The following DNAH12 variants were observed in gnomAD, a reference collection of about 807,000 sequenced individuals.
The protein encoded by DNAH12 is axonemal beta dynein heavy chain 12.
Under a neutral mutation model 371.5 loss-of-function variants are expected in DNAH12, and 285 were observed. That is an observed-to-expected ratio of 0.77 (90% CI 0.70 to 0.85). The LOEUF (loss-of-function observed/expected upper bound fraction) is 0.85, where lower values mean the gene tolerates loss of function less well. DNAH12 is among the 40% of genes least tolerant of loss of function. DNAH12 has a pLI of 0.00. For synonymous variants in DNAH12, 1,200 were observed against 1,213.0 expected (o/e 0.99, Z 0.22); for missense variants, 3,611 against 3,689.4 (o/e 0.98, Z 0.55).
chr3:57,461,541 G>A lies in DNAH12; in HGVS notation c.2684C>T (p.Thr895Ile), dbSNP rs1375435668. The A allele has an allele frequency of 4.5e-6, 7 of 1,551,354 alleles. No individual in the cohort carries two copies. The East Asian group carries it at 7.3e-5, about 16-fold the overall frequency. The change falls in exon 19 of 74, where the codon ACT becomes ATT. Residue 895 changes from threonine (T) to isoleucine (I), a missense_variant. Thr to Ile is a moderately conservative substitution (Grantham distance 89). Transcript: ENST00000495027. ...GAAAGGTGAGCCTCTCATTGTCTGA[G>A]TTTTTATAATTTGATCATCAAGGAT... ...QAILDDQIIK[T>I]QTMRGSPFIK...
Position 57,459,751 on chromosome 3 carries a change from T to A in DNAH12, c.2772A>T (p.Thr924=). 1 of 1,527,490 alleles carries A rather than the reference T, an allele frequency of 6.5e-7. No homozygotes were observed. The highest frequency in any genetic ancestry group is 1.7e-4 in the Middle Eastern group (1 of 5,906). 94.6% of individuals were successfully genotyped at this position (1,527,490 alleles called of 1,614,324 possible). The change falls in exon 20 of 74, where the codon ACA becomes ACT. Residue 924 remains threonine (T), a synonymous_variant. Coordinates refer to ENST00000495027, the MANE Select transcript of DNAH12 (RefSeq NM_001366028.2). The stretch of plus-strand genomic sequence containing the variant: ...CTTGTACTTTTAACCATTCATCAAT[T>A]GTTTCTTGTATTCGAATCAAGCGGT... The part of the protein sequence containing the change: ...WEDRLIRIQE[T]IDEWLKVQAQ...
intron 8 of DNAH12, among the ~76,000 whole-genome samples, 183 bp from the exon 9 acceptor site, chr3:57,504,387 GCACA>G (rs57399659): frequency 1.3e-5 from 2 of 149,746 alleles, no homozygotes; most frequent in Non-Finnish European, 1.5e-5. Context: ...ATACATACAT[GCACA>G]CACACACACA....
At position 57,293,972 on chromosome 3, in the gene DNAH12, C is replaced by G; in HGVS notation, c.11693-1G>C. On this transcript the variant is annotated splice_acceptor_variant, in intron 73 of 73. Transcript: ENST00000495027. LOFTEE classifies it high-confidence loss of function. Reference sequence around the variant, plus strand: ...GACTTTATAATCCGAGATTTTTGAGCTTGAAAAAAAAAAAGAAATATATTC... The same window carrying G: ...GACTTTATAATCCGAGATTTTTGAGGTTGAAAAAAAAAAAGAAATATATTC... The G allele has an allele frequency of 1.5e-6, 2 of 1,361,658 alleles. No individual in the cohort carries two copies. The highest frequency in any genetic ancestry group is 9.5e-7 in the Non-Finnish European group (1 of 1,048,652). The allele number at this position is 1,361,658 out of a possible 1,614,324, so 84.3% of individuals were successfully genotyped here. A position where few individuals can be genotyped will look rare whatever the true frequency, so the allele number is the denominator to read the frequency against.
In DNAH12 at chr3:57,478,866, G is replaced by A. The variant is rs542900691; in HGVS notation, c.1650+4510C>T. 1.2e-4 allele frequency among the ~76,000 whole-genome samples: 18 copies of A among 152,198 alleles called. No individual in the cohort carries two copies. The South Asian group carries it at 2.3e-3, about 19-fold the overall frequency. On this transcript the variant is annotated intron_variant, in intron 13 of 73. Coordinates refer to ENST00000495027, the MANE Select transcript of DNAH12 (RefSeq NM_001366028.2). ...GAGAAATAAAATACTTTACAGACAAGCAAATGCTGAGAGATTTTGTCACCA... is the reference window on the plus strand; with the variant it reads ...GAGAAATAAAATACTTTACAGACAAACAAATGCTGAGAGATTTTGTCACCA...
At chr3:57,354,351 A>G (rs2062747640) in intron 59 of DNAH12, among the ~76,000 whole-genome samples, 1 of 152,140 alleles carries the variant, frequency 6.6e-6, no homozygotes, top group Non-Finnish European at 1.5e-5. Flanking sequence ...TCAAAGGTGG[A>G]GAGTAGGAGG....
At chr3:57,346,108 C>G (rs2062535782) in intron 60 of DNAH12, among the ~76,000 whole-genome samples, 1 of 152,112 alleles carries the variant, frequency 6.6e-6, no homozygotes, top group African/African-American at 2.4e-5. Flanking sequence ...GCTCATTACC[C>G]TGATCTGATC....
chr3:57,427,456 G>T (rs1367227181), intron 34 of DNAH12, among the ~76,000 whole-genome samples: 1 of 152,108 alleles, frequency 6.6e-6, no homozygotes. Context: ...GGAGGCCAAG[G>T]TGGGTGGATC....
At chr3:57,450,234 T>G (rs1309248487) in intron 25 of DNAH12, among the ~76,000 whole-genome samples, 16 of 73,582 alleles carry the variant, frequency 2.2e-4, no homozygotes, top group South Asian at 5.4e-4. Flanking sequence ...GGTGACAGAG[T>G]GAGACTGTCT....
intron 4 of DNAH12, among the ~76,000 whole-genome samples, chr3:57,514,982 A>C (rs560559802): frequency 1.3e-5 from 2 of 152,328 alleles, no homozygotes; most frequent in East Asian, 1.9e-4. Context: ...AGGATTTAAC[A>C]AAATAAGTAA....
chr3:57,379,922 A>G (rs1404775386), intron 51 of DNAH12, among the ~76,000 whole-genome samples: 1 of 151,006 alleles, frequency 6.6e-6, no homozygotes, highest in African/African-American at 2.4e-5. Flanking sequence ...ATTAAACATT[A>G]AGAATAAGAA....
chr3:57,323,488 T>C lies in DNAH12; in HGVS notation c.10110A>G (p.Pro3370=). 1 of 1,549,724 alleles carries C rather than the reference T, an allele frequency of 6.5e-7. No individual in the cohort carries two copies. Among genetic ancestry groups the C allele is most frequent in the Non-Finnish European group, 8.7e-7 (1 of 1,146,472 alleles). The change falls in exon 63 of 74, where the codon CCA becomes CCG. Residue 3370 remains proline (P), a synonymous_variant. Transcript: ENST00000495027. ...CTIPLIFVLS[P]GADPMASLLK... The stretch of plus-strand genomic sequence containing the variant: ...ACTTACTGGCCATAGGATCTGCTCC[T>C]GGAGATAGAACAAAAATTAAGGGAA...
At chr3:57,474,079 A>T (rs7646731) in intron 13 of DNAH12, among the ~76,000 whole-genome samples, 10,916 of 152,172 alleles carry the variant, frequency 0.072, 1,306 homozygotes, top group African/African-American at 0.25. Flanking sequence ...AAAGATGGGA[A>T]ATCTGCCATC....
chr3:57,435,080 T>C (rs563354175), intron 30 of DNAH12, among the ~76,000 whole-genome samples: 1 of 152,252 alleles, frequency 6.6e-6, no homozygotes, highest in African/African-American at 2.4e-5. Context: ...TTAAAACCTA[T>C]GAAGGATTAA....
intron 4 of DNAH12, 30 bp from the exon 5 acceptor site, chr3:57,511,009 T>C: frequency 6.5e-7 from 1 of 1,530,060 alleles, no homozygotes; most frequent in South Asian, 1.3e-5. Flanking sequence ...TTAAATGTTC[T>C]GCATGGTTGT....
chr3:57,464,032 G>T (rs945659700), intron 17 of DNAH12, among the ~76,000 whole-genome samples: 2 of 151,968 alleles, frequency 1.3e-5, no homozygotes, highest in Non-Finnish European at 2.9e-5. Flanking sequence ...ATTCTGTCTG[G>T]TACCAAGAGG....
intron 60 of DNAH12, among the ~76,000 whole-genome samples, chr3:57,337,026 GAC>G (rs556557941): frequency 2.0e-3 from 299 of 152,222 alleles, no homozygotes; most frequent in African/African-American, 6.9e-3. Flanking sequence ...CACCTGAAAA[GAC>G]AGAGACTGAC....
chr3:57,517,156 A>G (rs1424406746), intron 4 of DNAH12, among the ~76,000 whole-genome samples: 1 of 152,052 alleles, frequency 6.6e-6, no homozygotes, highest in African/African-American at 2.4e-5. Flanking sequence ...CTCTAACCAC[A>G]TGCCTAATAT....
chr3:57,508,215 C>A (rs569450486), intron 7 of DNAH12, among the ~76,000 whole-genome samples, 167 bp downstream of exon 7: 61 of 141,098 alleles, frequency 4.3e-4, no homozygotes, highest in African/African-American at 1.3e-3. Context: ...AAAAAAAAAA[C>A]CAAAAAAAAC....
chr3:57,320,138 T>A (rs2061772912), intron 65 of DNAH12, among the ~76,000 whole-genome samples: 1 of 152,220 alleles, frequency 6.6e-6, no homozygotes, highest in Admixed American at 6.5e-5. Context: ...AGTAGGGCAC[T>A]GACATCTGTA....
Sources: allele counts gnomAD v4.1 joint callset (sites outside exome capture counted in the v4.1 genomes callset), GRCh38; gene constraint gnomAD v4.1.1; transcripts MANE v1.5; gene names NCBI Gene and HGNC (gene_info 2026-07-23, HGNC 2026-07-21).